The following PSD3 variants were observed in gnomAD, a reference collection of about 807,000 sequenced individuals.
PSD3 encodes the protein pleckstrin and Sec7 domain containing 3, also known as PH and SEC7 domain-containing protein 3.
A neutral mutation model predicts 105.5 loss-of-function variants in PSD3; 49 were observed. The observed-to-expected ratio is 0.46, with a 90% CI of 0.37 to 0.59. The LOEUF is 0.59. Among genes scored for constraint, PSD3 ranks in the 20% least tolerant of loss-of-function variants. The pLI is 0.00. For synonymous variants in PSD3, 557 were observed against 457.8 expected (o/e 1.22, Z -2.77); for missense variants, 1,561 against 1,263.8 (o/e 1.24, Z -3.57).
intron 4 of PSD3, among the ~76,000 whole-genome samples, chr8:18,838,439 G>C (rs962923386): frequency 3.9e-5 from 6 of 152,094 alleles, no homozygotes; most frequent in Non-Finnish European, 7.4e-5. Flanking sequence ...AATGTATCCT[G>C]TCCTCTTTAA....
At chr8:18,612,320 C>T (rs554024706) in intron 11 of PSD3, among the ~76,000 whole-genome samples, 9 of 152,082 alleles carry the variant, frequency 5.9e-5, no homozygotes, top group South Asian at 2.1e-4. Context: ...TTCATGTATT[C>T]GGAATTTTTT....
At chr8:18,675,160 T>C (rs908076264) in intron 9 of PSD3, among the ~76,000 whole-genome samples, 1 of 152,196 alleles carries the variant, frequency 6.6e-6, no homozygotes, top group Non-Finnish European at 1.5e-5. Context: ...ACCCTTTAGA[T>C]TTACTTATGC....
chr8:18,992,408 T>A (rs1166298792), intron 1 of PSD3, among the ~76,000 whole-genome samples: 2 of 152,194 alleles, frequency 1.3e-5, no homozygotes, highest in African/African-American at 2.4e-5. Context: ...CTTGGAAGTG[T>A]CTGGCACACA....
chr8:18,845,515 G>A (rs1169997687), intron 4 of PSD3, among the ~76,000 whole-genome samples: 13 of 152,186 alleles, frequency 8.5e-5, no homozygotes, highest in Non-Finnish European at 1.9e-4. Context: ...GCTCTGGGGC[G>A]GCCCCCACCA....
intron 15 of PSD3, among the ~76,000 whole-genome samples, chr8:18,546,057 A>G (rs1800432117): frequency 6.6e-6 from 1 of 152,092 alleles, no homozygotes; most frequent in African/African-American, 2.4e-5. Flanking sequence ...CTATAGTGCA[A>G]TGGTGCGATC....
chr8:18,621,873 C>A (rs955020696), intron 11 of PSD3, among the ~76,000 whole-genome samples: 1 of 152,182 alleles, frequency 6.6e-6, no homozygotes, highest in Non-Finnish European at 1.5e-5. Flanking sequence ...ATTATAGTGT[C>A]GCTGTTCCCA....
At chr8:18,789,125 GAAAAAAAGGAACTAAAAAT>G (rs1464763278) in intron 8 of PSD3, among the ~76,000 whole-genome samples, 1 of 151,954 alleles carries the variant, frequency 6.6e-6, no homozygotes, top group Non-Finnish European at 1.5e-5. Context: ...GTGGTAAAAA[GAAAAAAAGGAACTAAAAAT>G]AGTACCACAG....
intron 9 of PSD3, among the ~76,000 whole-genome samples, chr8:18,677,820 C>G (rs1301643051): frequency 6.6e-6 from 1 of 152,052 alleles, no homozygotes; most frequent in East Asian, 1.9e-4. Flanking sequence ...ACCATCCTGG[C>G]TAACACGGTG....
chr8:18,565,593 G>A (rs954313672), intron 14 of PSD3, among the ~76,000 whole-genome samples: 9 of 152,064 alleles, frequency 5.9e-5, no homozygotes, highest in Admixed American at 3.3e-4. Context: ...TTAATTGAAC[G>A]TCTAATTTTT....
intron 2 of PSD3, among the ~76,000 whole-genome samples, chr8:18,890,884 T>C (rs754314013): frequency 3.9e-5 from 6 of 152,136 alleles, no homozygotes; most frequent in Non-Finnish European, 7.3e-5. Flanking sequence ...CATTTTGAGA[T>C]TCCTGTCTTC....
At chr8:18,727,551 A>AC (rs1803419440) in intron 9 of PSD3, among the ~76,000 whole-genome samples, 3 of 137,626 alleles carry the variant, frequency 2.2e-5, no homozygotes, top group Admixed American at 1.5e-4. Flanking sequence ...AAAAAATCCA[A>AC]ACACACACAC....
intron 10 of PSD3, among the ~76,000 whole-genome samples, chr8:18,634,458 A>G (rs1432706657): frequency 6.6e-6 from 1 of 152,172 alleles, no homozygotes; most frequent in Non-Finnish European, 1.5e-5. Context: ...TTCAAAACTA[A>G]AAAATTAACG....
chr8:18,991,189 C>T (rs1825771001), intron 1 of PSD3, among the ~76,000 whole-genome samples: 1 of 152,150 alleles, frequency 6.6e-6, no homozygotes, highest in Admixed American at 6.6e-5. Flanking sequence ...TTTGACCACA[C>T]ACTGGTTTAG....
Position 18,537,753 on chromosome 8 carries a change from C to T in PSD3, c.2929-1795G>A, listed in dbSNP as rs112800451. 5.9e-5 allele frequency among the ~76,000 whole-genome samples: 9 copies of T among 151,912 alleles called. No individual in the cohort carries two copies. In the South Asian group the frequency reaches 8.3e-4, roughly 14 times the overall value. ...GTGCAGTGGCATGATCTCAGCTCACCGCAACCTCCACCGCCTGGGTTCTAG... is the reference window on the plus strand; with the variant it reads ...GTGCAGTGGCATGATCTCAGCTCACTGCAACCTCCACCGCCTGGGTTCTAG... On this transcript the variant is annotated intron_variant, in intron 15 of 15. Transcript: ENST00000327040.
chr8:19,010,355 G>A (rs1280555641), intron 1 of PSD3, among the ~76,000 whole-genome samples: 1 of 152,220 alleles, frequency 6.6e-6, no homozygotes, highest in Non-Finnish European at 1.5e-5. Flanking sequence ...TCTGGGCGCA[G>A]TGAAAAACCT....
At chr8:18,780,606 T>C (rs1585959703) in intron 8 of PSD3, among the ~76,000 whole-genome samples, 1 of 152,218 alleles carries the variant, frequency 6.6e-6, no homozygotes, top group African/African-American at 2.4e-5. Context: ...GGCTGGAGTG[T>C]GCAGTGGTGC....
chr8:18,753,071 G>T (rs1320369036), intron 9 of PSD3, among the ~76,000 whole-genome samples: 4 of 151,936 alleles, frequency 2.6e-5, no homozygotes, highest in South Asian at 4.2e-4. Context: ...ACAGTCTGGG[G>T]TGATGATGAG....
In PSD3 at chr8:18,833,054, T is replaced by C. The variant is rs1481292552; in HGVS notation, c.1635-28156A>G. 6.6e-5 allele frequency among the ~76,000 whole-genome samples: 10 copies of C among 152,186 alleles called. No individual in the cohort carries two copies. The East Asian group carries it at 1.7e-3, about 26-fold the overall frequency. On this transcript the variant is annotated intron_variant, in intron 4 of 15. Coordinates refer to ENST00000327040, the MANE Select transcript of PSD3 (RefSeq NM_015310.4). ...AGAGATGATTTTTAAAAAGCAACTA[T>C]GTTAAAGATGAATGTTATTTTTAAA...
intron 2 of PSD3, among the ~76,000 whole-genome samples, chr8:18,932,605 C>G (rs1358552241): frequency 6.6e-6 from 1 of 152,190 alleles, no homozygotes; most frequent in Non-Finnish European, 1.5e-5. Flanking sequence ...TAAATCATCT[C>G]AGCTATGTGC....
Sources: allele counts gnomAD v4.1 joint callset (sites outside exome capture counted in the v4.1 genomes callset), GRCh38; gene constraint gnomAD v4.1.1; transcripts MANE v1.5; gene names NCBI Gene and HGNC (gene_info 2026-07-23, HGNC 2026-07-21).